GALNTL5: variants seen among roughly 807,000 people sequenced by gnomAD.
GALNTL5 encodes the protein polypeptide N-acetylgalactosaminyltransferase like 5.
Under a neutral mutation model 51.0 loss-of-function variants are expected in GALNTL5, and 44 were observed. That is an observed-to-expected ratio of 0.86 (90% CI 0.68 to 1.11). The LOEUF (loss-of-function observed/expected upper bound fraction) is 1.11. Among genes scored for constraint, GALNTL5 ranks in the 50% least tolerant of loss-of-function variants. The pLI, the probability that GALNTL5 is intolerant of heterozygous loss-of-function variation, is 0.00. For missense variants in GALNTL5, 528 were observed against 531.8 expected (o/e 0.99, Z 0.07); for synonymous variants, 192 against 182.8 (o/e 1.05, Z -0.41).
intron 7 of GALNTL5, among the ~76,000 whole-genome samples, chr7:152,008,751 C>T (rs28433106): frequency 0.41 from 61,628 of 150,710 alleles, 13,734 homozygotes; most frequent in African/African-American, 0.59. Flanking sequence ...TGTTTGTTTG[C>T]TTGCTTTGTT....
At chr7:151,968,947 T>C (rs897160376) in intron 2 of GALNTL5, among the ~76,000 whole-genome samples, 7 of 152,206 alleles carry the variant, frequency 4.6e-5, no homozygotes, top group Non-Finnish European at 7.3e-5. Flanking sequence ...TTTTGGAATC[T>C]TTTGTCTATT....
chr7:152,010,199 G>A (rs986053020), intron 7 of GALNTL5, among the ~76,000 whole-genome samples: 16 of 151,598 alleles, frequency 1.1e-4, no homozygotes, highest in South Asian at 1.0e-3. Flanking sequence ...TGCAATCTCC[G>A]CCTCCCAGGT....
chr7:151,997,447 C>A (rs1428010048), intron 5 of GALNTL5, among the ~76,000 whole-genome samples: 1 of 152,160 alleles, frequency 6.6e-6, no homozygotes, highest in Admixed American at 6.5e-5. Flanking sequence ...GAAGAGGGAC[C>A]CTCACTACTA....
At chr7:151,990,329 C>G (rs576301089) in intron 5 of GALNTL5, among the ~76,000 whole-genome samples, 2 of 152,012 alleles carry the variant, frequency 1.3e-5, no homozygotes, top group South Asian at 4.2e-4. Context: ...CAGGCATGAG[C>G]CATTGTGCCT....
intron 7 of GALNTL5, among the ~76,000 whole-genome samples, chr7:152,008,789 G>T (rs1055085842): frequency 1.3e-5 from 2 of 151,826 alleles, no homozygotes; most frequent in Admixed American, 6.6e-5. Flanking sequence ...CCCTTTGGAC[G>T]TAGGCATTAT....
intron 5 of GALNTL5, among the ~76,000 whole-genome samples, chr7:151,996,619 C>T (rs1448008244): frequency 3.9e-5 from 6 of 151,960 alleles, no homozygotes; most frequent in African/African-American, 7.3e-5. Flanking sequence ...CGTGGTGGCC[C>T]GTGCCTGTAA....
In GALNTL5 at chr7:151,974,111, C is replaced by T. The variant is rs930937784; in HGVS notation, c.368+3046C>T. 1.1e-4 allele frequency among the ~76,000 whole-genome samples: 13 copies of T among 121,878 alleles called. 2 individuals carry two copies. Among genetic ancestry groups the T allele is most frequent in the African/African-American group, 3.8e-4 (13 of 33,830 alleles). 80.0% of individuals were successfully genotyped at this position (121,878 alleles called of 152,430 possible). A position where few individuals can be genotyped will look rare whatever the true frequency, so the allele number is the denominator to read the frequency against. ...TAAACCTCTTTTGTTTAGAAATTACCCAGTCTCAGGTGGTATCCTTATAGC... is the reference window on the plus strand; with the variant it reads ...TAAACCTCTTTTGTTTAGAAATTACTCAGTCTCAGGTGGTATCCTTATAGC... On this transcript the variant is annotated intron_variant, in intron 3 of 8. Coordinates refer to ENST00000392800, the MANE Select transcript of GALNTL5 (RefSeq NM_145292.4).
In GALNTL5 at chr7:151,979,750, C is replaced by A. The variant is rs1310010837; in HGVS notation, c.369-3236C>A. On this transcript the variant is annotated intron_variant, in intron 3 of 8. Transcript: ENST00000392800. ...GGGATTACAGGCATGAGCCACTGCA[C>A]CTGGCCAGGAAAGTTTTTATAGACA... Among the ~76,000 whole-genome samples, 8 of 151,942 alleles carry A rather than the reference C, an allele frequency of 5.3e-5. No individual in the cohort carries two copies. In the South Asian group the frequency reaches 8.3e-4, roughly 16 times the overall value.
rs542410445 is a variant in GALNTL5, at chr7:151,961,480, C to T, written c.-40+4871C>T. The stretch of plus-strand genomic sequence containing the variant: ...GAGCCAAGATTGCACCACTGCACTC[C>T]GGCCTGGGTGACAGAGCTAGACCCT... On this transcript the variant is annotated intron_variant, in intron 1 of 8. Coordinates refer to ENST00000392800, the MANE Select transcript of GALNTL5 (RefSeq NM_145292.4). 5.9e-5 allele frequency among the ~76,000 whole-genome samples: 9 copies of T among 152,316 alleles called. No homozygotes were observed. The South Asian group carries it at 1.2e-3, about 21-fold the overall frequency.
chr7:152,006,790 G>T (rs1244663281), intron 6 of GALNTL5, among the ~76,000 whole-genome samples: 1 of 151,832 alleles, frequency 6.6e-6, no homozygotes, highest in South Asian at 2.1e-4. Flanking sequence ...TTTGGGGGGG[G>T]CGGGACAGAT....
At chr7:151,971,133 A>AGAT in intron 3 of GALNTL5, 68 bp downstream of exon 3, 2 of 1,288,360 alleles carry the variant, frequency 1.6e-6, no homozygotes, top group African/African-American at 1.5e-5. Context: ...ATAGATAGAT[A>AGAT]GATAGAAAGA....
chr7:152,000,888 C>G (rs576895657), intron 5 of GALNTL5, among the ~76,000 whole-genome samples: 1 of 148,756 alleles, frequency 6.7e-6, no homozygotes, highest in East Asian at 2.0e-4. Flanking sequence ...GTTTCTTTTT[C>G]TTTTCTTTTC....
rs963978662 is a variant in GALNTL5, at chr7:151,976,675, T to C, written c.368+5610T>C. 3.3e-5 allele frequency among the ~76,000 whole-genome samples: 5 copies of C among 152,186 alleles called. No individual in the cohort carries two copies. In the East Asian group the frequency reaches 7.7e-4, roughly 24 times the overall value. On this transcript the variant is annotated intron_variant, in intron 3 of 8. Transcript: ENST00000392800. ...AATTTCATCTTCCCACTTTTATATA[T>C]ATATATTTTTTGAGATGGAATCTCG... is the stretch of plus-strand genomic sequence containing the variant.
At position 151,983,014 on chromosome 7, in the gene GALNTL5, C is replaced by A; in HGVS notation, c.397C>A (p.Leu133Ile). ...TCTTCAAAAACATTACCCAGCCCGC[C>A]TCCCGACTGCCAGCATTGTCATTTG... ...MCLQKHYPAR[L>I]PTASIVICFY... is the part of the protein sequence containing the mutation. The change falls in exon 4 of 9, where the codon CTC (leucine) becomes ATC (isoleucine). Residue 133 changes from leucine (L) to isoleucine (I), a missense_variant. Transcript: ENST00000392800. 1 of 1,614,180 alleles carries A rather than the reference C, an allele frequency of 6.2e-7. No individual in the cohort carries two copies. Among genetic ancestry groups the A allele is most frequent in the South Asian group, 1.1e-5 (1 of 91,086 alleles).
chr7:151,961,505 T>C (rs547785238), intron 1 of GALNTL5, among the ~76,000 whole-genome samples: 61 of 152,288 alleles, frequency 4.0e-4, no homozygotes, highest in Non-Finnish European at 7.1e-4. Flanking sequence ...AGCTAGACCC[T>C]TTCTCAAAAC....
chr7:151,995,147 A>G (rs996491743), intron 5 of GALNTL5: 2 of 152,352 alleles, frequency 1.3e-5, no homozygotes, highest in African/African-American at 4.8e-5. Flanking sequence ...GAAGTCTCCC[A>G]CAGGTTGCAG....
intron 5 of GALNTL5, among the ~76,000 whole-genome samples, chr7:151,997,716 G>A (rs562147109): frequency 6.6e-6 from 1 of 152,066 alleles, no homozygotes; most frequent in South Asian, 2.1e-4. Context: ...AATATTAAGG[G>A]TACAAGTGTA....
chr7:151,976,315 C>T (rs2081204199), intron 3 of GALNTL5, among the ~76,000 whole-genome samples: 1 of 152,118 alleles, frequency 6.6e-6, no homozygotes, highest in Non-Finnish European at 1.5e-5. Context: ...ATATTACCAA[C>T]TGGCAATATA....
intron 6 of GALNTL5, among the ~76,000 whole-genome samples, chr7:152,006,788 G>C (rs1339637263): frequency 6.6e-6 from 1 of 151,772 alleles, no homozygotes; most frequent in African/African-American, 2.4e-5. Context: ...TTTTTGGGGG[G>C]GGCGGGACAG....
Sources: allele counts gnomAD v4.1 joint callset (sites outside exome capture counted in the v4.1 genomes callset), GRCh38; gene constraint gnomAD v4.1.1; transcripts MANE v1.5; gene names NCBI Gene and HGNC (gene_info 2026-07-23, HGNC 2026-07-21).